Variants in EDIL3 observed in about 807,000 individuals in gnomAD.
EDIL3 encodes the protein EGF-like repeat and discoidin I-like domain-containing protein 3.
A neutral mutation model predicts 67.4 loss-of-function variants in EDIL3; 37 were observed. The ratio of observed to expected loss-of-function variants is 0.55; its 90% CI spans 0.42 to 0.72. The LOEUF is 0.72. Ranked by LOEUF, EDIL3 falls within the 30% of genes least tolerant of loss-of-function variation. EDIL3 has a pLI of 0.00. For synonymous variants in EDIL3, 195 were observed against 196.3 expected (o/e 0.99, Z 0.05); for missense variants, 527 against 586.3 (o/e 0.90, Z 1.04).
chr5:84,019,039 T>A (rs1003694859), intron 9 of EDIL3, among the ~76,000 whole-genome samples: 1 of 152,186 alleles, frequency 6.6e-6, no homozygotes, highest in Non-Finnish European at 1.5e-5. Context: ...GCCATCCCAT[T>A]ACTGGGTATA....
intron 3 of EDIL3, among the ~76,000 whole-genome samples, chr5:84,181,564 C>T (rs952839391): frequency 1.3e-5 from 2 of 152,152 alleles, no homozygotes; most frequent in Non-Finnish European, 2.9e-5. Flanking sequence ...GGCTATGTCA[C>T]GGTCTGTAGG....
At chr5:84,296,458 AAACT>A (rs149075552) in intron 1 of EDIL3, among the ~76,000 whole-genome samples, 40,501 of 152,054 alleles carry the variant, frequency 0.27, 6,143 homozygotes, top group Non-Finnish European at 0.35. Context: ...AATTAAAATG[AAACT>A]AACTAAATCT....
chr5:84,158,425 T>C (rs1436623855), intron 4 of EDIL3, among the ~76,000 whole-genome samples: 1 of 152,076 alleles, frequency 6.6e-6, no homozygotes, highest in Non-Finnish European at 1.5e-5. Context: ...CATATCTAAA[T>C]ATGTCAGCTT....
intron 1 of EDIL3, among the ~76,000 whole-genome samples, chr5:84,352,523 C>T (rs1417104442): frequency 6.6e-6 from 1 of 152,042 alleles, no homozygotes; most frequent in Non-Finnish European, 1.5e-5. Context: ...GGCCATTATC[C>T]TTAGTGAAAT....
At chr5:84,288,762 C>A (rs1312077467) in intron 1 of EDIL3, among the ~76,000 whole-genome samples, 2 of 152,110 alleles carry the variant, frequency 1.3e-5, no homozygotes, top group Non-Finnish European at 2.9e-5. Flanking sequence ...ACCCCAAATC[C>A]TGGCCTTCCT....
At chr5:84,022,852 T>C (rs2112193885) in intron 9 of EDIL3, among the ~76,000 whole-genome samples, 1 of 152,134 alleles carries the variant, frequency 6.6e-6, no homozygotes, top group South Asian at 2.1e-4. Flanking sequence ...GCAGTGACTA[T>C]AGTTAGCAAC....
At chr5:84,276,924 T>G (rs1478856672) in intron 1 of EDIL3, among the ~76,000 whole-genome samples, 3 of 152,144 alleles carry the variant, frequency 2.0e-5, no homozygotes, top group Non-Finnish European at 4.4e-5. Flanking sequence ...TTTAGTTATA[T>G]ATAGCACACT....
At chr5:84,346,773 T>G (rs1202102699) in intron 1 of EDIL3, among the ~76,000 whole-genome samples, 2 of 151,842 alleles carry the variant, frequency 1.3e-5, no homozygotes, top group African/African-American at 4.8e-5. Context: ...CTCTTTCTAC[T>G]AGAAACTAAT....
chr5:84,258,425 G>A (rs1164380067), intron 1 of EDIL3, among the ~76,000 whole-genome samples: 2 of 152,134 alleles, frequency 1.3e-5, no homozygotes, highest in East Asian at 1.9e-4. Context: ...CAATCACACA[G>A]GGAGCTCCAG....
intron 4 of EDIL3, among the ~76,000 whole-genome samples, chr5:84,144,558 G>A (rs1748260134): frequency 6.6e-6 from 1 of 152,024 alleles, no homozygotes; most frequent in Non-Finnish European, 1.5e-5. Flanking sequence ...GAGTCTAGCT[G>A]ACTAGGGAAA....
intron 3 of EDIL3, among the ~76,000 whole-genome samples, chr5:84,205,757 T>C (rs779457040): frequency 2.6e-5 from 4 of 152,212 alleles, no homozygotes; most frequent in Non-Finnish European, 5.9e-5. Flanking sequence ...TCGGTGGTGA[T>C]ATCACCTTTA....
In EDIL3 at chr5:84,338,384, G is replaced by A. The variant is rs115917735; in HGVS notation, c.67+45924C>T. ...ATCTGCCATGAGAGGACCATTCCTT[G>A]TAAGATAAAAATGCATAAAGCAGCT... On this transcript the variant is annotated intron_variant, in intron 1 of 10. Coordinates refer to ENST00000296591, the MANE Select transcript of EDIL3 (RefSeq NM_005711.5). 4.2e-3 allele frequency among the ~76,000 whole-genome samples: 646 copies of A among 152,302 alleles called. 8 individuals are homozygous for A. The highest frequency in any genetic ancestry group is 0.015 in the African/African-American group (633 of 41,572).
intron 9 of EDIL3, among the ~76,000 whole-genome samples, chr5:84,050,673 G>A (rs935301832): frequency 2.6e-5 from 4 of 152,186 alleles, no homozygotes; most frequent in African/African-American, 4.8e-5. Flanking sequence ...TATATCCTGC[G>A]CCTGGCTCAG....
chr5:84,278,034 T>C (rs1172021551), intron 1 of EDIL3, among the ~76,000 whole-genome samples: 2 of 152,186 alleles, frequency 1.3e-5, no homozygotes, highest in Non-Finnish European at 2.9e-5. Flanking sequence ...TATGTAAATA[T>C]CTTTTTTTAA....
In EDIL3 at chr5:84,204,196, C is replaced by T. The variant is rs182997489; in HGVS notation, c.227-23675G>A. Among the ~76,000 whole-genome samples the T allele has an allele frequency of 3.6e-3, 547 of 152,236 alleles. 6 individuals carry two copies. The highest frequency in any genetic ancestry group is 0.013 in the African/African-American group (527 of 41,564). ...AATTTTTTCATTAGAAAGTTGTTAT[C>T]AGTTTCCAAGCAAAAACTATGCATT... On this transcript the variant is annotated intron_variant, in intron 3 of 10. Transcript: ENST00000296591.
intron 4 of EDIL3, among the ~76,000 whole-genome samples, chr5:84,141,952 G>GATCCATCT (rs71605902): frequency 9.2e-6 from 1 of 108,368 alleles, no homozygotes; most frequent in South Asian, 3.4e-4. Context: ...TATATACATA[G>GATCCATCT]ATCTATCTAT....
chr5:84,195,365 G>A (rs951418017), intron 3 of EDIL3, among the ~76,000 whole-genome samples: 5 of 151,850 alleles, frequency 3.3e-5, no homozygotes, highest in African/African-American at 9.7e-5. Flanking sequence ...CTTTAAGATC[G>A]GTGTTATCAA....
intron 2 of EDIL3, among the ~76,000 whole-genome samples, chr5:84,233,198 C>G (rs553652147): frequency 3.1e-4 from 47 of 152,210 alleles, no homozygotes; most frequent in Non-Finnish European, 4.7e-4. Flanking sequence ...AAAAATATAT[C>G]AGACATATAG....
At chr5:84,168,087 G>A (rs756087593) in intron 4 of EDIL3, among the ~76,000 whole-genome samples, 1 of 152,018 alleles carries the variant, frequency 6.6e-6, no homozygotes, top group African/African-American at 2.4e-5. Context: ...CTAGGCTATG[G>A]CATAATTGCA....
Sources: allele counts gnomAD v4.1 joint callset (sites outside exome capture counted in the v4.1 genomes callset), GRCh38; gene constraint gnomAD v4.1.1; transcripts MANE v1.5; gene names NCBI Gene and HGNC (gene_info 2026-07-23, HGNC 2026-07-21).